Variants in VPS13C observed in about 807,000 individuals in gnomAD.
VPS13C encodes intermembrane lipid transfer protein VPS13C.
In VPS13C, 358 loss-of-function variants were observed where a neutral mutation model predicts 456.8. The ratio of observed to expected loss-of-function variants is 0.78; its 90% CI spans 0.72 to 0.86. The LOEUF (loss-of-function observed/expected upper bound fraction) is 0.86. Ranked by LOEUF, VPS13C falls within the 40% of genes least tolerant of loss-of-function variation. The pLI, the probability that VPS13C is intolerant of heterozygous loss-of-function variation, is 0.00. For synonymous variants in VPS13C, 1,578 were observed against 1,486.7 expected, an observed-to-expected ratio of 1.06 and a Z score of -1.41; for missense variants, 4,818 against 4,385.4, an observed-to-expected ratio of 1.10 and a Z score of -2.79.
chr15:61,854,291 T>C lies in VPS13C; in HGVS notation c.*166A>G, dbSNP rs1238358760. The C allele has an allele frequency of 2.7e-5, 18 of 661,616 alleles. No individual in the cohort carries two copies. Among genetic ancestry groups the C allele is most frequent in the Non-Finnish European group, 4.5e-5 (17 of 380,856 alleles). The allele number at this position is 661,616 out of a possible 1,614,324, so 41.0% of individuals were successfully genotyped here. A position where few individuals can be genotyped will look rare whatever the true frequency, so the allele number is the denominator to read the frequency against. ...CATATACATGGTTACAAAATTAGAG[T>C]AAAAACTAAAAGGTGAAAAAACTAG... On this transcript the variant is annotated 3_prime_UTR_variant, in exon 85 of 85. Transcript: ENST00000644861.
intron 81 of VPS13C, chr15:61,864,609 T>C: frequency 1.0e-6 from 1 of 983,618 alleles, no homozygotes; most frequent in Non-Finnish European, 1.2e-6. Flanking sequence ...ATTTCAATGC[T>C]TAAATATACA....
In VPS13C at chr15:61,980,894, C is replaced by A. The variant is rs142518365; in HGVS notation, c.2166+448G>T. Among the ~76,000 whole-genome samples, 864 of 152,146 alleles carry A rather than the reference C, an allele frequency of 5.7e-3. 7 individuals carry two copies. The highest frequency in any genetic ancestry group is 0.02 in the African/African-American group (826 of 41,502). Reference sequence around the variant, plus strand: ...CCCCTCATATATTTGAAATTGTCACCTTTTACTGGAGGCTTGGCTTTCTAT... The same window carrying A: ...CCCCTCATATATTTGAAATTGTCACATTTTACTGGAGGCTTGGCTTTCTAT... On this transcript the variant is annotated intron_variant, in intron 22 of 84. Transcript: ENST00000644861.
intron 82 of VPS13C, chr15:61,856,683 TTTTC>T (rs1893928154): frequency 1.0e-5 from 2 of 199,264 alleles, no homozygotes; most frequent in Non-Finnish European, 9.4e-6. Flanking sequence ...TTCTTTTTTC[TTTTC>T]TTTTTTTTTT....
intron 49 of VPS13C, among the ~76,000 whole-genome samples, chr15:61,933,423 T>C (rs1267168319): frequency 2.0e-5 from 3 of 152,126 alleles, no homozygotes; most frequent in African/African-American, 4.8e-5. Flanking sequence ...GAAATATAAA[T>C]GAACATATTT....
At chr15:62,041,573 T>A (rs149549909) in intron 2 of VPS13C, among the ~76,000 whole-genome samples, 2 of 152,260 alleles carry the variant, frequency 1.3e-5, no homozygotes, top group African/African-American at 4.8e-5. Flanking sequence ...ATCCCAGCAC[T>A]TTGGGAAGCC....
At chr15:61,899,327 A>G (rs2042926390) in intron 66 of VPS13C, among the ~76,000 whole-genome samples, 1 of 139,926 alleles carries the variant, frequency 7.1e-6, no homozygotes, top group Non-Finnish European at 1.6e-5. Context: ...TGGTTTTTTG[A>G]AAGGATCAAC....
rs559005739 is a variant in VPS13C at position 61,852,958 on chromosome 15, C to A, written c.*1499G>T. 6.6e-6 allele frequency: 1 copy of A among 152,084 alleles called. No individual in the cohort carries two copies. The highest frequency in any genetic ancestry group is 1.5e-5 in the Non-Finnish European group (1 of 68,018). The allele number at this position is 152,084 out of a possible 1,614,324, so 9.4% of individuals were successfully genotyped here. ...ATAAACAAAAATAGAGCAAACCAAG[C>A]GTGTCCACATCTCCATGAATTCAGT... On this transcript the variant is annotated 3_prime_UTR_variant, in exon 85 of 85. Coordinates refer to ENST00000644861, the MANE Select transcript of VPS13C (RefSeq NM_020821.3).
Position 61,918,168 on chromosome 15 carries a change from T to C in VPS13C, c.7728A>G (p.Glu2576=), listed in dbSNP as rs185023499. 44 of 1,599,970 alleles carry C rather than the reference T, an allele frequency of 2.8e-5. No homozygotes were observed. In the Admixed American group the frequency reaches 3.7e-4, roughly 13 times the overall value. The change falls in exon 59 of 85, where the codon GAA becomes GAG. Residue 2576 remains glutamate, a synonymous_variant. Transcript: ENST00000644861. Reference sequence around the variant, plus strand: ...AATCTAAAGGAACATGGAACTCCTCTTCAGGTCTGGCTATCCCAATGCGCT... The same window carrying C: ...AATCTAAAGGAACATGGAACTCCTCCTCAGGTCTGGCTATCCCAATGCGCT... ...LLERIGIARP[E]EEFHVPLDSY...
chr15:61,961,529 T>C lies in VPS13C; in HGVS notation c.3908+60A>G, dbSNP rs563491880. On this transcript the variant is annotated intron_variant, in intron 35 of 84. Transcript: ENST00000644861. ...TGTGTTGGGTAGGAATTTCAAGTCA[T>C]AAAATTTCATGGAAATCATGAATAT... The C allele has an allele frequency of 1.5e-5, 22 of 1,467,088 alleles. No homozygotes were observed. The African/African-American group carries it at 2.1e-4, about 14-fold the overall frequency. 90.9% of individuals were successfully genotyped at this position (1,467,088 alleles called of 1,614,324 possible). A position where few individuals can be genotyped will look rare whatever the true frequency, so the allele number is the denominator to read the frequency against.
In VPS13C at chr15:62,060,359, C is replaced by T; in HGVS notation, c.16G>A (p.Val6Met). 1 of 1,598,314 alleles carries T rather than the reference C, an allele frequency of 6.3e-7. No individual in the cohort carries two copies. Among genetic ancestry groups the T allele is most frequent in the South Asian group, 1.1e-5 (1 of 89,482 alleles). MVLES[V>M]VADLLNRFLG... ...AAGCGGTTCAGCAAGTCCGCGACCA[C>T]CGACTCCAGCACCATGGTGGCGCTG... Residue 6 changes from valine to methionine, a missense_variant, in exon 1 of 85, where the codon GTG becomes ATG. This residue lies in a region of VPS13C where 4,552 missense variants were observed against 4,130.6 expected (regional missense o/e 1.10). Transcript: ENST00000644861.
In VPS13C at chr15:61,858,899, G is replaced by A. The variant is rs1008914204; in HGVS notation, c.10953-2490C>T. Among the ~76,000 whole-genome samples the A allele has an allele frequency of 6.6e-6, 1 of 152,130 alleles. No homozygotes were observed. The highest frequency in any genetic ancestry group is 6.6e-5 in the Admixed American group (1 of 15,256). On this transcript the variant is annotated intron_variant, in intron 82 of 84. Transcript: ENST00000644861. The surrounding 1 kb of genome is among the most constrained non-coding windows in gnomAD (Gnocchi z 4.4). ...ACAAAATGTATACAGTCTCTAACTG[G>A]TCTCCTTGCCTCTGGACTGATTCTC...
At chr15:61,929,122 G>A (rs890349855) in intron 51 of VPS13C, among the ~76,000 whole-genome samples, 9 of 152,226 alleles carry the variant, frequency 5.9e-5, no homozygotes, top group Admixed American at 5.9e-4. Flanking sequence ...GTCCTCCAAA[G>A]TCCCCGTGTT....
chr15:62,028,496 C>T, intron 5 of VPS13C, 76 bp from the exon 6 acceptor site: 2 of 1,380,754 alleles, frequency 1.4e-6, no homozygotes, highest in East Asian at 2.4e-5. Flanking sequence ...GTAAAATATA[C>T]CTAAATTTAA....
At chr15:61,875,262 G>C (rs1230442123) in intron 76 of VPS13C, among the ~76,000 whole-genome samples, 2 of 152,048 alleles carry the variant, frequency 1.3e-5, no homozygotes, top group East Asian at 3.9e-4. Flanking sequence ...AAGATGCAGT[G>C]ATAACAAGAG....
intron 1 of VPS13C, among the ~76,000 whole-genome samples, chr15:62,047,147 G>T (rs1031884874): frequency 6.6e-6 from 1 of 151,646 alleles, no homozygotes; most frequent in East Asian, 1.9e-4. Flanking sequence ...AATATTGGCC[G>T]GTGTGCAGTG....
intron 66 of VPS13C, among the ~76,000 whole-genome samples, chr15:61,897,848 G>T (rs1413061877): frequency 6.6e-6 from 1 of 152,184 alleles, no homozygotes; most frequent in Non-Finnish European, 1.5e-5. Flanking sequence ...AGGGCAGCCA[G>T]AGAGAAAGGT....
chr15:61,935,763 T>A (rs1228442131), intron 48 of VPS13C: 1 of 152,220 alleles, frequency 6.6e-6, no homozygotes, highest in African/African-American at 2.4e-5. Flanking sequence ...CATTTGTTTG[T>A]GTGATTTCAA....
chr15:62,046,653 T>C (rs1447926022), intron 1 of VPS13C, among the ~76,000 whole-genome samples: 1 of 152,196 alleles, frequency 6.6e-6, no homozygotes, highest in Admixed American at 6.5e-5. Context: ...CCAGGAGTGA[T>C]CAGAAATCAT....
At chr15:61,894,321 G>GAAA (rs796282618) in intron 66 of VPS13C, among the ~76,000 whole-genome samples, 5 of 130,976 alleles carry the variant, frequency 3.8e-5, no homozygotes, top group Non-Finnish European at 8.4e-5. Context: ...ACAAAAAGCA[G>GAAA]AAAAAAAAAA....
Sources: allele counts gnomAD v4.1 joint callset (sites outside exome capture counted in the v4.1 genomes callset), GRCh38; gene constraint gnomAD v4.1.1; regional missense constraint gnomAD v4.1.1; non-coding constraint Gnocchi (gnomAD v3.1); transcripts MANE v1.5; gene names NCBI Gene and HGNC (gene_info 2026-07-23, HGNC 2026-07-21).